The following ADGRB3 variants were observed in gnomAD, a reference collection of about 807,000 sequenced individuals.
ADGRB3 encodes the protein brain-specific angiogenesis inhibitor 3.
A neutral mutation model predicts 193.4 loss-of-function variants in ADGRB3; 37 were observed. The ratio of observed to expected loss-of-function variants is 0.19; its 90% CI spans 0.15 to 0.25. The LOEUF is 0.25. Ranked by LOEUF, ADGRB3 falls within the 10% of genes least tolerant of loss-of-function variation. ADGRB3 has a pLI of 1.00. For missense variants in ADGRB3, 1,637 were observed against 1,852.9 expected (o/e 0.88, Z 2.14); for synonymous variants, 690 against 644.2 (o/e 1.07, Z -1.08).
intron 17 of ADGRB3, among the ~76,000 whole-genome samples, chr6:69,158,702 A>G (rs1012863307): frequency 3.3e-5 from 5 of 152,136 alleles, no homozygotes; most frequent in South Asian, 2.1e-4. Flanking sequence ...CTAAAGTACC[A>G]TGACAGCTGT....
intron 20 of ADGRB3, among the ~76,000 whole-genome samples, chr6:69,247,328 A>G (rs1250173725): frequency 6.6e-6 from 1 of 152,122 alleles, no homozygotes; most frequent in Admixed American, 6.6e-5. Flanking sequence ...GCAGATGCGG[A>G]TGAGTTATAA....
In ADGRB3 at chr6:68,993,908, T is replaced by C. The variant is rs1769311310; in HGVS notation, c.1875T>C (p.Asn625=). 6.2e-7 allele frequency: 1 copy of C among 1,613,856 alleles called. No homozygotes were observed. Among genetic ancestry groups the C allele is most frequent in the Non-Finnish European group, 8.5e-7 (1 of 1,179,840 alleles). ...DLLMSVEILR[N]VTDTFKRASY... is the part of the protein sequence containing the mutation. ...TGATGTCTGTGGAGATCCTGAGAAA[T>C]GTGACAGACACATTTAAAAGGGCAA... is the stretch of plus-strand genomic sequence containing the variant. Residue 625 remains asparagine (N), a synonymous_variant, in exon 11 of 32, where the codon AAT becomes AAC. Transcript: ENST00000370598.
At chr6:69,372,376 T>C in intron 29 of ADGRB3, 30 bp from the exon 30 acceptor site, 1 of 1,261,090 alleles carries the variant, frequency 7.9e-7, no homozygotes, top group Non-Finnish European at 1.1e-6. Context: ...TATTGGTTTT[T>C]CTCCTTCTTT....
chr6:69,178,989 C>T (rs374442009), intron 17 of ADGRB3, among the ~76,000 whole-genome samples: 206 of 152,194 alleles, frequency 1.4e-3, no homozygotes, highest in African/African-American at 4.8e-3. Flanking sequence ...GGATGTCTAC[C>T]TCTTAAGCAA....
At chr6:68,781,467 A>G (rs1215079584) in intron 3 of ADGRB3, among the ~76,000 whole-genome samples, 1 of 152,102 alleles carries the variant, frequency 6.6e-6, no homozygotes, top group Non-Finnish European at 1.5e-5. Flanking sequence ...ATGCTCCTTG[A>G]TCTTACACAA....
intron 6 of ADGRB3, among the ~76,000 whole-genome samples, chr6:68,953,836 T>C (rs1025652017): frequency 6.6e-6 from 1 of 152,204 alleles, no homozygotes; most frequent in Non-Finnish European, 1.5e-5. Flanking sequence ...CCAGGCTTTC[T>C]TGTTTATTTG....
At chr6:69,344,560 T>G (rs1231472209) in intron 26 of ADGRB3, among the ~76,000 whole-genome samples, 1 of 152,056 alleles carries the variant, frequency 6.6e-6, no homozygotes, top group Non-Finnish European at 1.5e-5. Flanking sequence ...ATTATAAAAA[T>G]GAAGCCAGTA....
At chr6:69,166,254 C>T (rs1775130508) in intron 17 of ADGRB3, among the ~76,000 whole-genome samples, 1 of 152,014 alleles carries the variant, frequency 6.6e-6, no homozygotes. Context: ...ACCACAGTTT[C>T]AGCAGGTTCG....
At chr6:68,748,621 C>A (rs932159439) in intron 3 of ADGRB3, among the ~76,000 whole-genome samples, 3 of 152,114 alleles carry the variant, frequency 2.0e-5, no homozygotes, top group African/African-American at 7.2e-5. Context: ...CATGGGCTGG[C>A]ATTGAGTGTC....
At chr6:69,342,102 G>T (rs545769237) in intron 26 of ADGRB3, among the ~76,000 whole-genome samples, 1 of 152,128 alleles carries the variant, frequency 6.6e-6, no homozygotes, top group African/African-American at 2.4e-5. Context: ...TTGCTAATTG[G>T]ACTATTAACT....
intron 3 of ADGRB3, among the ~76,000 whole-genome samples, chr6:68,900,499 C>A (rs780083680): frequency 1.2e-4 from 19 of 152,090 alleles, no homozygotes; most frequent in Non-Finnish European, 2.5e-4. Flanking sequence ...AGATATCTAG[C>A]TCATCAAAGA....
intron 17 of ADGRB3, among the ~76,000 whole-genome samples, chr6:69,145,925 G>A (rs970792348): frequency 6.6e-6 from 1 of 152,096 alleles, no homozygotes; most frequent in African/African-American, 2.4e-5. Context: ...GGGAGGAAGT[G>A]TGTGCTTATT....
intron 3 of ADGRB3, among the ~76,000 whole-genome samples, chr6:68,751,607 G>A (rs1309711119): frequency 1.3e-5 from 2 of 152,014 alleles, no homozygotes; most frequent in South Asian, 4.1e-4. Flanking sequence ...CCCATACCAA[G>A]GGAGCATTTT....
intron 3 of ADGRB3, among the ~76,000 whole-genome samples, chr6:68,765,431 A>T (rs1766489858): frequency 6.6e-6 from 1 of 151,996 alleles, no homozygotes; most frequent in Admixed American, 6.6e-5. Context: ...GCCTATTAAC[A>T]CCGATCGCAT....
intron 3 of ADGRB3, among the ~76,000 whole-genome samples, chr6:68,829,091 C>CCTTTTTTTTTTTTTTTT (rs1767903918): frequency 1.1e-5 from 1 of 94,656 alleles, no homozygotes; most frequent in African/African-American, 4.0e-5. Flanking sequence ...GTTTAAGTAA[C>CCTTTTTTTTTTTTTTTT]TTTTTTTTTT....
chr6:68,904,812 T>G (rs1465037148), intron 3 of ADGRB3, among the ~76,000 whole-genome samples: 2 of 152,222 alleles, frequency 1.3e-5, no homozygotes, highest in African/African-American at 4.8e-5. Flanking sequence ...TCTCATGATC[T>G]TGTTTCAAAT....
intron 30 of ADGRB3, among the ~76,000 whole-genome samples, chr6:69,373,481 A>G (rs1240125269): frequency 1.3e-5 from 2 of 152,098 alleles, no homozygotes; most frequent in East Asian, 3.9e-4. Context: ...GATACAAAGT[A>G]ATGATAAGGA....
chr6:69,201,960 G>C (rs1425276161), intron 17 of ADGRB3, among the ~76,000 whole-genome samples: 1 of 152,052 alleles, frequency 6.6e-6, no homozygotes, highest in Non-Finnish European at 1.5e-5. Flanking sequence ...ATCTTATCCA[G>C]GAAAAACTGA....
chr6:68,676,412 GAAAA>G (rs1769092987), intron 3 of ADGRB3, among the ~76,000 whole-genome samples: 1 of 128,044 alleles, frequency 7.8e-6, no homozygotes, highest in African/African-American at 3.0e-5. Flanking sequence ...AAAAAAAAAA[GAAAA>G]GGAGAGAGAG....
Sources: allele counts gnomAD v4.1 joint callset (sites outside exome capture counted in the v4.1 genomes callset), GRCh38; gene constraint gnomAD v4.1.1; transcripts MANE v1.5; gene names NCBI Gene and HGNC (gene_info 2026-07-23, HGNC 2026-07-21).